Variants in ELOVL2 observed in about 807,000 individuals in gnomAD.
ELOVL2 encodes ELOVL fatty acid elongase 2.
ELOVL2 carries 38 observed loss-of-function variants against 37.7 expected under a neutral mutation model. The ratio of observed to expected loss-of-function variants is 1.01; its 90% CI spans 0.78 to 1.32. ELOVL2 has a LOEUF of 1.32. ELOVL2 is among the 40% of genes most tolerant of loss of function. The probability of loss-of-function intolerance (pLI) is 0.00; values close to 1 mark genes in which losing one functional copy is unlikely to be tolerated. For missense variants in ELOVL2, 352 were observed against 363.6 expected (o/e 0.97, Z 0.26); for synonymous variants, 115 against 122.3 (o/e 0.94, Z 0.40).
At chr6:11,043,772 G>A (rs1387853812) in intron 1 of ELOVL2, 2 of 157,004 alleles carry the variant, frequency 1.3e-5, no homozygotes, top group Non-Finnish European at 2.8e-5. Context: ...TGTGTGCCGC[G>A]CGCGGGAAAC....
At position 11,044,260 on chromosome 6, in the gene ELOVL2, G is replaced by A. The variant is rs768492083; in HGVS notation, c.-30C>T. On this transcript the variant is annotated 5_prime_UTR_variant, in exon 1 of 8. Transcript: ENST00000354666. This position sits in a 1 kb window ranked among gnomAD's most constrained non-coding sequence, Gnocchi z 5.6. Reference sequence around the variant, plus strand: ...CGCAGCGGCTGTGGCGCGGCGACCCGGGCGGGCGGCGATGCGCTGTCCAGG... The same window carrying A: ...CGCAGCGGCTGTGGCGCGGCGACCCAGGCGGGCGGCGATGCGCTGTCCAGG... 1 of 1,327,894 alleles carries A rather than the reference G, an allele frequency of 7.5e-7. No individual in the cohort carries two copies. The highest frequency in any genetic ancestry group is 4.0e-5 in the Admixed American group (1 of 25,184). 82.3% of individuals were successfully genotyped at this position (1,327,894 alleles called of 1,614,324 possible).
At chr6:11,043,509 A>T (rs1250441751) in intron 1 of ELOVL2, 4 of 108,198 alleles carry the variant, frequency 3.7e-5, no homozygotes, top group Non-Finnish European at 5.8e-5. Context: ...GAGGAGAAAG[A>T]AGCGTTACTA....
intron 1 of ELOVL2, among the ~76,000 whole-genome samples, chr6:11,038,312 T>A (rs1783046161): frequency 6.6e-6 from 1 of 152,118 alleles, no homozygotes; most frequent in Non-Finnish European, 1.5e-5. Flanking sequence ...AGGCCACACA[T>A]ATATGTAAAG....
chr6:11,006,614 C>G (rs1278646985), intron 2 of ELOVL2, among the ~76,000 whole-genome samples: 1 of 152,194 alleles, frequency 6.6e-6, no homozygotes, highest in African/African-American at 2.4e-5. Flanking sequence ...ACCCCAGCCT[C>G]TTGTTAAACC....
At chr6:11,007,191 G>A (rs955080675) in intron 2 of ELOVL2, among the ~76,000 whole-genome samples, 2 of 152,178 alleles carry the variant, frequency 1.3e-5, no homozygotes, top group Admixed American at 6.5e-5. Context: ...AAACTGCTAC[G>A]CTACTTCTTG....
chr6:11,039,363 A>G (rs1783064269), intron 1 of ELOVL2, among the ~76,000 whole-genome samples: 1 of 152,214 alleles, frequency 6.6e-6, no homozygotes, highest in African/African-American at 2.4e-5. Context: ...AGCACTGCAT[A>G]AACATCAAGT....
At position 11,044,254 on chromosome 6, in the gene ELOVL2, C is replaced by G. The variant is rs745607539; in HGVS notation, c.-24G>C. On this transcript the variant is annotated 5_prime_UTR_variant, in exon 1 of 8. Coordinates refer to ENST00000354666, the MANE Select transcript of ELOVL2 (RefSeq NM_017770.4). The surrounding 1 kb of genome is among the most constrained non-coding windows in gnomAD (Gnocchi z 5.6). ...ATGATCCGCAGCGGCTGTGGCGCGG[C>G]GACCCGGGCGGGCGGCGATGCGCTG... 3.7e-6 allele frequency: 5 copies of G among 1,334,114 alleles called. No homozygotes were observed. The South Asian group carries it at 1.0e-4, about 27-fold the overall frequency. The allele number at this position is 1,334,114 out of a possible 1,614,324, so 82.6% of individuals were successfully genotyped here. A position where few individuals can be genotyped will look rare whatever the true frequency, so the allele number is the denominator to read the frequency against.
At chr6:11,017,545 C>T (rs527915746) in intron 1 of ELOVL2, among the ~76,000 whole-genome samples, 18 of 152,312 alleles carry the variant, frequency 1.2e-4, no homozygotes, top group African/African-American at 3.6e-4. Flanking sequence ...GATAAAAGGA[C>T]TTTACAAACA....
At chr6:10,990,234 A>C in intron 6 of ELOVL2, 84 bp downstream of exon 6, 1 of 1,542,858 alleles carries the variant, frequency 6.5e-7, no homozygotes, top group South Asian at 1.3e-5. Context: ...TCACACATAA[A>C]AAGCCCTCTG....
chr6:11,022,519 C>T (rs1231037087), intron 1 of ELOVL2, among the ~76,000 whole-genome samples: 1 of 152,126 alleles, frequency 6.6e-6, no homozygotes, highest in East Asian at 1.9e-4. Context: ...TATGTGTGTA[C>T]GTCAATGGTG....
chr6:10,997,481 C>T (rs1782290650), intron 4 of ELOVL2, among the ~76,000 whole-genome samples: 1 of 152,204 alleles, frequency 6.6e-6, no homozygotes, highest in Non-Finnish European at 1.5e-5. Context: ...GAAGGTCCAT[C>T]TTCCATTGGT....
At chr6:11,003,687 C>G (rs1345713069) in intron 3 of ELOVL2, among the ~76,000 whole-genome samples, 1 of 152,160 alleles carries the variant, frequency 6.6e-6, no homozygotes, top group Non-Finnish European at 1.5e-5. Flanking sequence ...TACTATCTTG[C>G]TAACTCATCT....
chr6:11,026,378 C>T (rs1017899277), intron 1 of ELOVL2, among the ~76,000 whole-genome samples: 4 of 152,092 alleles, frequency 2.6e-5, no homozygotes, highest in African/African-American at 9.7e-5. Context: ...GCAAATGGCT[C>T]CTGTAACCAG....
intron 1 of ELOVL2, among the ~76,000 whole-genome samples, chr6:11,026,875 TTTAA>T (rs1020707738): frequency 6.2e-4 from 94 of 152,328 alleles, no homozygotes; most frequent in African/African-American, 2.1e-3. Context: ...TTTTAAAATA[TTTAA>T]TTGACAAAAA....
At chr6:11,003,975 C>T (rs932244455) in intron 3 of ELOVL2, among the ~76,000 whole-genome samples, 9 of 151,566 alleles carry the variant, frequency 5.9e-5, no homozygotes, top group African/African-American at 1.7e-4. Flanking sequence ...CCCAGCCACT[C>T]GTGAGGCTGA....
chr6:11,010,845 TTTC>T (rs752765183), intron 1 of ELOVL2, 36 bp from the exon 2 acceptor site: 17 of 1,538,176 alleles, frequency 1.1e-5, no homozygotes, highest in Admixed American at 1.9e-5. Context: ...TAAGTGTTTT[TTTC>T]TTCTTTTTTT....
intron 1 of ELOVL2, among the ~76,000 whole-genome samples, chr6:11,013,868 CA>C (rs57378623): frequency 0.16 from 22,334 of 136,614 alleles, 4,150 homozygotes; most frequent in African/African-American, 0.46. Flanking sequence ...CTCCACAAAG[CA>C]AAAAAAAAAA....
At chr6:11,011,166 C>T (rs1782572676) in intron 1 of ELOVL2, among the ~76,000 whole-genome samples, 1 of 152,014 alleles carries the variant, frequency 6.6e-6, no homozygotes, top group African/African-American at 2.4e-5. Context: ...AGATCGAGAC[C>T]ATCCTGGCTA....
intron 3 of ELOVL2, among the ~76,000 whole-genome samples, chr6:11,002,911 A>C (rs17764592): frequency 0.18 from 27,937 of 152,182 alleles, 3,444 homozygotes; most frequent in East Asian, 0.44. Flanking sequence ...ATCAATCCTT[A>C]CAAGTCACTC....
Sources: gnomAD v4.1 joint callset for allele counts (sites outside exome capture counted in the v4.1 genomes callset) on GRCh38, gnomAD v4.1.1 for gene constraint, Gnocchi (gnomAD v3.1) non-coding constraint, MANE v1.5 for transcripts, NCBI Gene and HGNC (gene_info 2026-07-23, HGNC 2026-07-21) for gene names.